Variants in CTTNBP2NL observed in about 807,000 individuals in gnomAD.
CTTNBP2NL encodes the protein CTTNBP2 N-terminal like.
Under a neutral mutation model 32.5 loss-of-function variants are expected in CTTNBP2NL, and 16 were observed. The ratio of observed to expected loss-of-function variants is 0.49; its 90% confidence interval spans 0.33 to 0.75. CTTNBP2NL has a LOEUF of 0.75. Among genes scored for constraint, CTTNBP2NL ranks in the 30% least tolerant of loss-of-function variants. The probability of loss-of-function intolerance (pLI) is 0.02; values close to 1 mark genes in which losing one functional copy is unlikely to be tolerated. For missense variants in CTTNBP2NL, 645 were observed against 756.0 expected (o/e 0.85, Z 1.72); for synonymous variants, 298 against 289.4 (o/e 1.03, Z -0.30).
At chr1:112,434,374 C>G (rs929382400) in intron 3 of CTTNBP2NL, among the ~76,000 whole-genome samples, 5 of 152,182 alleles carry the variant, frequency 3.3e-5, no homozygotes, top group Non-Finnish European at 7.3e-5. Context: ...ACTCACCCAA[C>G]CTAAATACTT....
At chr1:112,449,666 T>C (rs781715219) in intron 4 of CTTNBP2NL, among the ~76,000 whole-genome samples, 1 of 152,152 alleles carries the variant, frequency 6.6e-6, no homozygotes, top group Non-Finnish European at 1.5e-5. Context: ...TTGTTGCTCA[T>C]GAAACCATAA....
chr1:112,454,013 T>C (rs1003743811), intron 4 of CTTNBP2NL, among the ~76,000 whole-genome samples: 2 of 152,192 alleles, frequency 1.3e-5, no homozygotes, highest in African/African-American at 4.8e-5. Flanking sequence ...AATTTCAGGC[T>C]CCTTCTTTGG....
intron 3 of CTTNBP2NL, among the ~76,000 whole-genome samples, chr1:112,437,067 G>A (rs1380894767): frequency 6.6e-6 from 1 of 152,164 alleles, no homozygotes; most frequent in Non-Finnish European, 1.5e-5. Context: ...GGTTGATTGT[G>A]TCTTTGCTAT....
intron 3 of CTTNBP2NL, among the ~76,000 whole-genome samples, chr1:112,419,142 G>A (rs1019191727): frequency 6.6e-6 from 1 of 152,198 alleles, no homozygotes; most frequent in Middle Eastern, 3.4e-3. Context: ...TTTTAAAACC[G>A]AGGATAGAAC....
chr1:112,433,954 TC>T (rs1458750318), intron 3 of CTTNBP2NL, among the ~76,000 whole-genome samples: 1 of 151,890 alleles, frequency 6.6e-6, no homozygotes, highest in Non-Finnish European at 1.5e-5. Flanking sequence ...CCCAGGCTAG[TC>T]CCGAACTCCT....
Position 112,456,908 on chromosome 1 carries a change from G to A in CTTNBP2NL, c.1416G>A (p.Gln472=). The A allele has an allele frequency of 6.2e-7, 1 of 1,614,090 alleles. No individual in the cohort carries two copies. Among genetic ancestry groups the A allele is most frequent in the South Asian group, 1.1e-5 (1 of 91,080 alleles). ...ACAAATTTCAGTCCCAAGCAGATCAGGACCAACAAGCCAGTGGCCTACAGA... is the reference window on the plus strand; with the variant it reads ...ACAAATTTCAGTCCCAAGCAGATCAAGACCAACAAGCCAGTGGCCTACAGA... ...ARHKFQSQAD[Q]DQQASGLQSP... Residue 472 remains glutamine (Q), a synonymous_variant, in exon 6 of 6, where the codon CAG becomes CAA. Coordinates refer to ENST00000271277, the MANE Select transcript of CTTNBP2NL (RefSeq NM_018704.3).
chr1:112,420,224 C>T (rs1208883162), intron 3 of CTTNBP2NL, among the ~76,000 whole-genome samples: 1 of 150,744 alleles, frequency 6.6e-6, no homozygotes, highest in Non-Finnish European at 1.5e-5. Context: ...CAGCTCACTG[C>T]AGCCTCCGCC....
rs1054470475 is a variant in CTTNBP2NL, at chr1:112,461,045, C to G, written c.*3633C>G. ...TCAGAAGTGGGCAATGAGCATTGTT[C>G]CACAGGAATAATTTTTAATTTAATT... On this transcript the variant is annotated 3_prime_UTR_variant, in exon 6 of 6. Transcript: ENST00000271277. 4 of 152,042 alleles carry G rather than the reference C, an allele frequency of 2.6e-5. No homozygotes were observed. Among genetic ancestry groups the G allele is most frequent in the Non-Finnish European group, 5.9e-5 (4 of 68,028 alleles). 9.4% of individuals were successfully genotyped at this position (152,042 alleles called of 1,614,324 possible). A position where few individuals can be genotyped will look rare whatever the true frequency, so the allele number is the denominator to read the frequency against.
intron 3 of CTTNBP2NL, among the ~76,000 whole-genome samples, chr1:112,434,869 G>A (rs567554205): frequency 1.1e-4 from 16 of 152,248 alleles, no homozygotes; most frequent in African/African-American, 3.9e-4. Flanking sequence ...CAGGCTGGGT[G>A]CAGTGGCTCA....
intron 3 of CTTNBP2NL, among the ~76,000 whole-genome samples, chr1:112,419,733 A>AT (rs1649166845): frequency 1.3e-5 from 2 of 152,344 alleles, no homozygotes; most frequent in East Asian, 1.9e-4. Context: ...GAGAGTTTGC[A>AT]TTTTTTAAAA....
rs188613525 is a variant in CTTNBP2NL, at chr1:112,416,559, G to A, written c.99+295G>A. Among the ~76,000 whole-genome samples the A allele has an allele frequency of 6.2e-3, 944 of 151,146 alleles. 6 individuals are homozygous for A. The highest frequency in any genetic ancestry group is 0.022 in the African/African-American group (902 of 41,158). On this transcript the variant is annotated intron_variant, in intron 3 of 5. Transcript: ENST00000271277. The stretch of plus-strand genomic sequence containing the variant: ...TGTCGCCAGGCTGGAGTGCAGTGGC[G>A]CTATCTCGGCTCACTGCAACTTCTG...
rs1650509936 is a variant in CTTNBP2NL, at chr1:112,460,208, TGCA to T, written c.*2797_*2799del. The T allele has an allele frequency of 6.6e-6, 1 of 152,228 alleles. No individual in the cohort carries two copies. The highest frequency in any genetic ancestry group is 1.5e-5 in the Non-Finnish European group (1 of 68,036). 9.4% of individuals were successfully genotyped at this position (152,228 alleles called of 1,614,324 possible). On this transcript the variant is annotated 3_prime_UTR_variant, in exon 6 of 6. Coordinates refer to ENST00000271277, the MANE Select transcript of CTTNBP2NL (RefSeq NM_018704.3). The stretch of plus-strand genomic sequence containing the variant: ...AGAAGTCTTCATTTTTATAGCAGAC[TGCA>T]TTAAAACAAGTTAAATCTTGCTGTT...
At chr1:112,417,385 C>G (rs570833755) in intron 3 of CTTNBP2NL, among the ~76,000 whole-genome samples, 1 of 152,278 alleles carries the variant, frequency 6.6e-6, no homozygotes, top group Non-Finnish European at 1.5e-5. Context: ...ATTTTAAAGC[C>G]TCTTCTTATG....
chr1:112,416,551 G>A (rs760599416), intron 3 of CTTNBP2NL, among the ~76,000 whole-genome samples: 6 of 150,626 alleles, frequency 4.0e-5, no homozygotes, highest in Non-Finnish European at 7.4e-5. Context: ...AGGCTGGAGT[G>A]CAGTGGCGCT....
At chr1:112,418,846 G>A (rs764960820) in intron 3 of CTTNBP2NL, among the ~76,000 whole-genome samples, 17 of 152,126 alleles carry the variant, frequency 1.1e-4, no homozygotes, top group Non-Finnish European at 2.4e-4. Flanking sequence ...CTGAAAAATA[G>A]ATTTGACTGC....
chr1:112,397,009 G>A (rs1482012192), intron 1 of CTTNBP2NL, among the ~76,000 whole-genome samples: 1 of 149,736 alleles, frequency 6.7e-6, no homozygotes, highest in Non-Finnish European at 1.5e-5. Flanking sequence ...GCCTCTAAGG[G>A]TTTCTTAGGT....
chr1:112,391,489 A>G (rs1395539494), upstream of CTTNBP2NL, among the ~76,000 whole-genome samples: 1 of 152,194 alleles, frequency 6.6e-6, no homozygotes, highest in East Asian at 1.9e-4. Flanking sequence ...GACTCAGAGA[A>G]GAGGATTGAG....
chr1:112,421,242 A>G (rs1198208322), intron 3 of CTTNBP2NL, among the ~76,000 whole-genome samples: 1 of 150,436 alleles, frequency 6.6e-6, no homozygotes, highest in Non-Finnish European at 1.5e-5. Context: ...CTAGACTCGG[A>G]CTCCTAGCCT....
At chr1:112,430,310 C>T (rs1428110840) in intron 3 of CTTNBP2NL, among the ~76,000 whole-genome samples, 1 of 151,982 alleles carries the variant, frequency 6.6e-6, no homozygotes, top group Non-Finnish European at 1.5e-5. Context: ...ACTGCAACCT[C>T]CGCCTCCTGG....
Sources: gnomAD v4.1 joint callset for allele counts (sites outside exome capture counted in the v4.1 genomes callset) on GRCh38, gnomAD v4.1.1 for gene constraint, MANE v1.5 for transcripts, NCBI Gene and HGNC (gene_info 2026-07-23, HGNC 2026-07-21) for gene names.